The following THUMPD2 variants were observed in gnomAD, a reference collection of about 807,000 sequenced individuals.
THUMPD2 encodes U6 snRNA (guanine-N(2))-methyltransferase THUMPD2.
Under a neutral mutation model 49.4 loss-of-function variants are expected in THUMPD2, and 56 were observed. The ratio of observed to expected loss-of-function variants is 1.13; its 90% CI spans 0.91 to 1.41. The LOEUF (loss-of-function observed/expected upper bound fraction) is 1.41. THUMPD2 is among the 40% of genes most tolerant of loss of function. The pLI, the probability that THUMPD2 is intolerant of heterozygous loss-of-function variation, is 0.00. For missense variants in THUMPD2, 709 were observed against 594.5 expected (o/e 1.19, Z -2.00); for synonymous variants, 237 against 205.2 (o/e 1.15, Z -1.32).
chr2:39,742,655 G>C (rs1674052196), intron 9 of THUMPD2, among the ~76,000 whole-genome samples: 1 of 152,128 alleles, frequency 6.6e-6, no homozygotes, highest in Non-Finnish European at 1.5e-5. Context: ...ATTGGTTAAA[G>C]GTATAGATGC....
chr2:39,765,170 G>GT (rs1238033076), intron 5 of THUMPD2, among the ~76,000 whole-genome samples: 2 of 151,566 alleles, frequency 1.3e-5, no homozygotes, highest in Admixed American at 6.6e-5. Flanking sequence ...AAATTTTTTT[G>GT]TTTTTTTGAG....
In THUMPD2 at chr2:39,755,311, A is replaced by T; in HGVS notation, c.1062T>A (p.Leu354=). Residue 354 remains leucine (L), a synonymous_variant, in exon 8 of 10, where the codon CTT becomes CTA. Transcript: ENST00000505747. ...GTATCTTACCTATAACAGAGATTTT[A>T]AGTAATTCAATTTTATCCTCAAGGC... ...AAGLEDKIEL[L]KISVIELPLP... is the part of the protein sequence containing the mutation. The T allele has an allele frequency of 6.5e-7, 1 of 1,544,732 alleles. No individual in the cohort carries two copies. The highest frequency in any genetic ancestry group is 8.6e-7 in the Non-Finnish European group (1 of 1,157,336).
chr2:39,738,555 C>A (rs761073583), intron 9 of THUMPD2, among the ~76,000 whole-genome samples: 16 of 149,834 alleles, frequency 1.1e-4, no homozygotes, highest in Non-Finnish European at 2.1e-4. Context: ...CAGAGAGAGA[C>A]CCTGTCTTTA....
At position 39,770,025 on chromosome 2, in the gene THUMPD2, A is replaced by G. The variant is rs770397846; in HGVS notation, c.357T>C (p.Asp119=). ...ISIWKNLLEL[D]AKKEKLSQRD... Reference sequence around the variant, plus strand: ...TCTGAGAAAGTTTTTCCTTTTTTGCATCAAGTTCAAGAAGATTTTTCCAAA... The same window carrying G: ...TCTGAGAAAGTTTTTCCTTTTTTGCGTCAAGTTCAAGAAGATTTTTCCAAA... The change falls in exon 3 of 10, where the codon GAT becomes GAC. Residue 119 remains aspartate, a synonymous_variant. Coordinates refer to ENST00000505747, the MANE Select transcript of THUMPD2 (RefSeq NM_025264.5). 1.3e-6 allele frequency: 2 copies of G among 1,577,772 alleles called. No homozygotes were observed. Among genetic ancestry groups the G allele is most frequent in the South Asian group, 2.4e-5 (2 of 82,742 alleles).
intron 6 of THUMPD2, 25 bp downstream of exon 6, chr2:39,761,306 A>G (rs1676793698): frequency 1.2e-6 from 2 of 1,605,004 alleles, no homozygotes; most frequent in African/African-American, 2.7e-5. Context: ...CTTGCTATTA[A>G]CAGGAAGGAA....
intron 4 of THUMPD2, among the ~76,000 whole-genome samples, chr2:39,767,094 T>G (rs1677623854): frequency 6.6e-6 from 1 of 152,224 alleles, no homozygotes. Flanking sequence ...CTCTGTCAAT[T>G]TTTTAGTCAC....
chr2:39,773,900 C>T (rs1255600563), intron 1 of THUMPD2, among the ~76,000 whole-genome samples: 1 of 152,148 alleles, frequency 6.6e-6, no homozygotes, highest in Non-Finnish European at 1.5e-5. Flanking sequence ...ATCAGAAGTA[C>T]AGCAGGTCCT....
intron 8 of THUMPD2, among the ~76,000 whole-genome samples, chr2:39,750,451 T>C (rs1572779564): frequency 6.6e-6 from 1 of 152,188 alleles, no homozygotes; most frequent in East Asian, 1.9e-4. Flanking sequence ...GGGTTGTTTT[T>C]TTCTTATAAA....
At chr2:39,749,172 A>C (rs557563492) in intron 8 of THUMPD2, among the ~76,000 whole-genome samples, 1 of 151,224 alleles carries the variant, frequency 6.6e-6, no homozygotes, top group Non-Finnish European at 1.5e-5. Flanking sequence ...AAAGTAATGC[A>C]TAAGCACACA....
intron 3 of THUMPD2, chr2:39,769,458 T>C (rs757102685): frequency 2.0e-5 from 7 of 351,134 alleles, no homozygotes; most frequent in Non-Finnish European, 3.0e-5. Context: ...TCCCAGCACT[T>C]TGGGAGGCCG....
At chr2:39,772,258 T>C (rs561981624) in intron 1 of THUMPD2, among the ~76,000 whole-genome samples, 7 of 152,322 alleles carry the variant, frequency 4.6e-5, no homozygotes, top group East Asian at 1.9e-4. Context: ...TGCTGATTGA[T>C]AGTGTCAGGT....
At chr2:39,775,406 G>A (rs1420108534) in intron 1 of THUMPD2, among the ~76,000 whole-genome samples, 1 of 152,132 alleles carries the variant, frequency 6.6e-6, no homozygotes, top group Admixed American at 6.5e-5. Context: ...GATGGGTTAA[G>A]GTGTTGTTTG....
intron 9 of THUMPD2, among the ~76,000 whole-genome samples, chr2:39,744,140 C>G (rs1674272087): frequency 1.3e-5 from 2 of 151,558 alleles, no homozygotes; most frequent in Non-Finnish European, 2.9e-5. Flanking sequence ...ATTCAAATCT[C>G]AGTACATAAT....
Position 39,755,933 on chromosome 2 carries a change from A to G in THUMPD2, c.919T>C (p.Cys307Arg). The change falls in exon 7 of 10, where the codon TGT (cysteine) becomes CGT (arginine). Residue 307 changes from cysteine to arginine, a missense_variant. Coordinates refer to ENST00000505747, the MANE Select transcript of THUMPD2 (RefSeq NM_025264.5). Reference protein sequence around the residue: ...KAGAFVLDPMCGLGTILLEAA... With the variant: ...KAGAFVLDPMRGLGTILLEAA... ...TCCAAAAGTATTGTTCCAAGTCCAC[A>G]CATTGGATCTAAAACAAATGCACCA... is the stretch of plus-strand genomic sequence containing the variant. 6.2e-7 allele frequency: 1 copy of G among 1,613,916 alleles called. No individual in the cohort carries two copies. The highest frequency in any genetic ancestry group is 8.5e-7 in the Non-Finnish European group (1 of 1,179,874).
chr2:39,777,031 T>C (rs968748796), intron 1 of THUMPD2, among the ~76,000 whole-genome samples: 1 of 152,218 alleles, frequency 6.6e-6, no homozygotes, highest in African/African-American at 2.4e-5. Flanking sequence ...CATTTTAGAG[T>C]GTTAATTTCC....
At chr2:39,756,265 A>G (rs887077985) in intron 6 of THUMPD2, among the ~76,000 whole-genome samples, 3 of 152,132 alleles carry the variant, frequency 2.0e-5, no homozygotes, top group Non-Finnish European at 4.4e-5. Flanking sequence ...TTGTAATGAC[A>G]ATAAGGCAGA....
chr2:39,737,838 G>C lies in THUMPD2; in HGVS notation c.1188-779C>G, dbSNP rs1195499490. 3.9e-5 allele frequency among the ~76,000 whole-genome samples: 6 copies of C among 152,298 alleles called. No homozygotes were observed. The South Asian group carries it at 1.2e-3, about 32-fold the overall frequency. ...GAGGGTGCTGGAAGCAGAAAAAGCA[G>C]CAAAGACGGGAGGAAGTGGAGAGGA... On this transcript the variant is annotated intron_variant, in intron 9 of 9. Coordinates refer to ENST00000505747, the MANE Select transcript of THUMPD2 (RefSeq NM_025264.5).
intron 6 of THUMPD2, among the ~76,000 whole-genome samples, chr2:39,757,962 A>G (rs1055719636): frequency 4.1e-4 from 62 of 152,216 alleles, no homozygotes; most frequent in Admixed American, 9.8e-4. Context: ...AAAGAACTCT[A>G]CTATGCCATT....
chr2:39,762,826 T>C lies in THUMPD2; in HGVS notation c.804-1408A>G, dbSNP rs537360158. 3.3e-4 allele frequency among the ~76,000 whole-genome samples: 50 copies of C among 151,150 alleles called. No individual in the cohort carries two copies. The South Asian group carries it at 0.01, about 31-fold the overall frequency. ...CAGTATGGGAAACCAGCTTTGTCCA[T>C]ATATATGAAAAAATGCTCTTCTAAG... On this transcript the variant is annotated intron_variant, in intron 5 of 9. Transcript: ENST00000505747.
Sources: gnomAD v4.1 joint callset for allele counts (sites outside exome capture counted in the v4.1 genomes callset) on GRCh38, gnomAD v4.1.1 for gene constraint, MANE v1.5 for transcripts, NCBI Gene and HGNC (gene_info 2026-07-23, HGNC 2026-07-21) for gene names.